The following FCRL1 variants were observed in gnomAD, a reference collection of about 807,000 sequenced individuals.
FCRL1 encodes Fc receptor-like protein 1.
Under a neutral mutation model 49.2 loss-of-function variants are expected in FCRL1, and 34 were observed. The ratio of observed to expected loss-of-function variants is 0.69; its 90% CI spans 0.53 to 0.92. FCRL1 has a LOEUF of 0.92. Ranked by LOEUF, FCRL1 falls within the 40% of genes least tolerant of loss-of-function variation. FCRL1 has a pLI of 0.00. For missense variants in FCRL1, 524 were observed against 524.1 expected (o/e 1.00, Z 0.00); for synonymous variants, 218 against 201.6 (o/e 1.08, Z -0.69).
chr1:157,807,107 G>A lies in FCRL1; in HGVS notation c.47C>T (p.Pro16Leu). 3.1e-6 allele frequency: 5 copies of A among 1,613,846 alleles called. No individual in the cohort carries two copies. Among genetic ancestry groups the A allele is most frequent in the Non-Finnish European group, 4.2e-6 (5 of 1,179,872 alleles). ...GAAAAGGAAGTGCAACTCACCGGCA[G>A]GTTCACAGAGTGGAGCTGGGAGAGA... The part of the protein sequence containing the change: ...LLLICAPLCE[P>L]AELFLIASPS... Residue 16 changes from proline to leucine, a missense_variant, in exon 2 of 11, where the codon CCT becomes CTT. Pro to Leu is a moderately conservative substitution (Grantham distance 98). Coordinates refer to ENST00000368176, the MANE Select transcript of FCRL1 (RefSeq NM_052938.5).
chr1:157,800,630 T>C (rs778417831), intron 6 of FCRL1, among the ~76,000 whole-genome samples: 1 of 152,138 alleles, frequency 6.6e-6, no homozygotes, highest in Non-Finnish European at 1.5e-5. Context: ...GAACTCATAA[T>C]AGGAGAGAAC....
intron 9 of FCRL1, 57 bp from the exon 10 acceptor site, chr1:157,797,189 AACTT>A: frequency 6.6e-7 from 1 of 1,523,958 alleles, no homozygotes; most frequent in Non-Finnish European, 9.1e-7. Context: ...TCCTTCACTA[AACTT>A]GTGTTAAGAA....
intron 2 of FCRL1, chr1:157,806,769 G>A: frequency 4.4e-6 from 1 of 228,004 alleles, no homozygotes; most frequent in East Asian, 9.1e-5. Context: ...GATGCTTCTA[G>A]CATGAATCTT....
chr1:157,819,101 C>T (rs1019012850), intron 1 of FCRL1, among the ~76,000 whole-genome samples: 6 of 151,990 alleles, frequency 3.9e-5, no homozygotes, highest in African/African-American at 1.5e-4. Context: ...CTTTTATTTT[C>T]TCAATGAAAT....
At position 157,801,571 on chromosome 1, in the gene FCRL1, G is replaced by T. The variant is rs1394985479; in HGVS notation, c.893C>A (p.Thr298Asn). 5 of 1,609,438 alleles carry T rather than the reference G, an allele frequency of 3.1e-6. No individual in the cohort carries two copies. The highest frequency in any genetic ancestry group is 3.4e-6 in the Non-Finnish European group (4 of 1,176,228). ...EAVTLNFTVP[T>N]GARSNHLTSG... Reference sequence around the variant, plus strand: ...GGTAAGATGATTGCTTCTGGCCCCAGTAGGCACTAGAGGGAGAGACCTGTG... The same window carrying T: ...GGTAAGATGATTGCTTCTGGCCCCATTAGGCACTAGAGGGAGAGACCTGTG... Residue 298 changes from threonine (T) to asparagine (N), a missense_variant, in exon 6 of 11, where the codon ACT becomes AAT. Physicochemically the swap from Thr to Asn is moderately conservative, Grantham distance 65. Transcript: ENST00000368176.
rs932095113 is a variant in FCRL1 at position 157,795,229 on chromosome 1, C to T, written c.*870G>A. 1.3e-5 allele frequency: 2 copies of T among 152,058 alleles called. No individual in the cohort carries two copies. The highest frequency in any genetic ancestry group is 2.9e-5 in the Non-Finnish European group (2 of 68,034). 9.4% of individuals were successfully genotyped at this position (152,058 alleles called of 1,614,324 possible). A position where few individuals can be genotyped will look rare whatever the true frequency, so the allele number is the denominator to read the frequency against. ...AAATGGCCAAGTTTGGTGGCATGTGCCTGTAGTCCCAGCTACTCAGCAGGC... is the reference window on the plus strand; with the variant it reads ...AAATGGCCAAGTTTGGTGGCATGTGTCTGTAGTCCCAGCTACTCAGCAGGC... On this transcript the variant is annotated 3_prime_UTR_variant, in exon 11 of 11. Transcript: ENST00000368176.
At chr1:157,805,446 GA>G (rs1653282568) in intron 2 of FCRL1, among the ~76,000 whole-genome samples, 1 of 151,998 alleles carries the variant, frequency 6.6e-6, no homozygotes, top group African/African-American at 2.4e-5. Flanking sequence ...TTTGTTTTTG[GA>G]AACTTTTAAA....
chr1:157,817,128 A>G (rs1216253390), intron 1 of FCRL1, among the ~76,000 whole-genome samples: 1 of 152,094 alleles, frequency 6.6e-6, no homozygotes, highest in Non-Finnish European at 1.5e-5. Flanking sequence ...AATACCAATG[A>G]CATTGTCTTC....
chr1:157,807,237 T>A, intron 1 of FCRL1, 115 bp from the exon 2 acceptor site: 1 of 1,000,212 alleles, frequency 1.0e-6, no homozygotes, highest in Non-Finnish European at 1.5e-6. Flanking sequence ...GGACCCTCCC[T>A]GCATCTCTCT....
intron 2 of FCRL1, among the ~76,000 whole-genome samples, chr1:157,806,287 A>T (rs1653426337): frequency 6.6e-6 from 1 of 152,212 alleles, no homozygotes; most frequent in Non-Finnish European, 1.5e-5. Flanking sequence ...GGTCACAGGA[A>T]TTCCTAGGGA....
chr1:157,801,906 G>C lies in FCRL1; in HGVS notation c.886+9C>G. 1 of 1,609,400 alleles carries C rather than the reference G, an allele frequency of 6.2e-7. No individual in the cohort carries two copies. The highest frequency in any genetic ancestry group is 8.5e-7 in the Non-Finnish European group (1 of 1,177,562). Reference sequence around the variant, plus strand: ...ATTGACCAAGACAGTTCCATAGCCTGAGCTATACCTGTGAAGTTGAGTGTC... The same window carrying C: ...ATTGACCAAGACAGTTCCATAGCCTCAGCTATACCTGTGAAGTTGAGTGTC... On this transcript the variant is annotated intron_variant, in intron 5 of 10. Transcript: ENST00000368176.
intron 1 of FCRL1, among the ~76,000 whole-genome samples, chr1:157,811,698 T>C (rs1349552881): frequency 1.3e-5 from 2 of 152,120 alleles, no homozygotes; most frequent in African/African-American, 2.4e-5. Context: ...GTGTGTTCTG[T>C]TCCTGGGGGC....
intron 2 of FCRL1, 33 bp downstream of exon 2, chr1:157,807,069 A>G: frequency 6.2e-7 from 1 of 1,613,404 alleles, no homozygotes; most frequent in Non-Finnish European, 8.5e-7. Context: ...AAATACCCAC[A>G]GACCTTGAAG....
At chr1:157,813,764 C>T (rs770744110) in intron 1 of FCRL1, among the ~76,000 whole-genome samples, 3 of 152,080 alleles carry the variant, frequency 2.0e-5, no homozygotes, top group Non-Finnish European at 2.9e-5. Context: ...ATAGATTTAA[C>T]CTGAAGAGGT....
Position 157,802,422 on chromosome 1 carries a change from C to T in FCRL1, c.562G>A (p.Gly188Ser). Reference protein sequence around the residue: ...AEQYYCVAENGYGPSPSGLVS... With the variant: ...AEQYYCVAENSYGPSPSGLVS... ...AGCCCACTGGGGCTGGGACCATAGC[C>T]ATTTTCAGCTACACAGTAATATTGC... The change falls in exon 4 of 11, where the codon GGC becomes AGC. Residue 188 changes from glycine to serine, a missense_variant. Coordinates refer to ENST00000368176, the MANE Select transcript of FCRL1 (RefSeq NM_052938.5). 6.2e-7 allele frequency: 1 copy of T among 1,614,220 alleles called. No homozygotes were observed. The highest frequency in any genetic ancestry group is 8.5e-7 in the Non-Finnish European group (1 of 1,180,044).
intron 1 of FCRL1, among the ~76,000 whole-genome samples, chr1:157,813,225 C>CA (rs1654569704): frequency 6.6e-6 from 1 of 152,090 alleles, no homozygotes; most frequent in Non-Finnish European, 1.5e-5. Flanking sequence ...AACATGACAC[C>CA]AATACAAGAA....
chr1:157,818,012 T>C (rs1416612165), intron 1 of FCRL1, among the ~76,000 whole-genome samples: 1 of 152,108 alleles, frequency 6.6e-6, no homozygotes, highest in African/African-American at 2.4e-5. Context: ...ATAACTAGTA[T>C]TGTCAAAGAT....
At position 157,820,014 on chromosome 1, in the gene FCRL1, C is replaced by T; in HGVS notation, c.24G>A (p.Leu8=). 6.2e-7 allele frequency: 1 copy of T among 1,614,062 alleles called. No homozygotes were observed. Among genetic ancestry groups the T allele is most frequent in the Non-Finnish European group, 8.5e-7 (1 of 1,180,004 alleles). Reference sequence around the variant, plus strand: ...CTGAGTTGCCCAACTCACCACAGATCAACAGCAACAGCCTCGGCAGCATGA... The same window carrying T: ...CTGAGTTGCCCAACTCACCACAGATTAACAGCAACAGCCTCGGCAGCATGA... The part of the protein sequence containing the change: MLPRLLL[L]ICAPLCEPAE... The change falls in exon 1 of 11, where the codon TTG becomes TTA. Residue 8 remains leucine, a synonymous_variant. Coordinates refer to ENST00000368176, the MANE Select transcript of FCRL1 (RefSeq NM_052938.5).
intron 3 of FCRL1, 69 bp from the exon 4 acceptor site, chr1:157,802,733 G>C: frequency 6.8e-7 from 1 of 1,479,946 alleles, no homozygotes; most frequent in South Asian, 1.3e-5. Flanking sequence ...AAGTAGATAT[G>C]ACGGTCCTGA....
Sources: gnomAD v4.1 joint callset for allele counts (sites outside exome capture counted in the v4.1 genomes callset) on GRCh38, gnomAD v4.1.1 for gene constraint, MANE v1.5 for transcripts, NCBI Gene and HGNC (gene_info 2026-07-23, HGNC 2026-07-21) for gene names.